The following ASPRV1 variants were observed in gnomAD, a reference collection of about 807,000 sequenced individuals.
ASPRV1 encodes retroviral-like aspartic protease 1.
In ASPRV1, 7 loss-of-function variants were observed where a neutral mutation model predicts 11.0. That is an observed-to-expected ratio of 0.64 (90% CI 0.36 to 1.20). The LOEUF (loss-of-function observed/expected upper bound fraction) is 1.20, where lower values mean the gene tolerates loss of function less well. Ranked by LOEUF, ASPRV1 falls within the 50% of genes most tolerant of loss-of-function variation. The pLI, the probability that ASPRV1 is intolerant of heterozygous loss-of-function variation, is 0.02. For missense variants in ASPRV1, 299 were observed against 320.0 expected (o/e 0.93, Z 0.50); for synonymous variants, 136 against 138.4 (o/e 0.98, Z 0.12).
the ASPRV1 span, among the ~76,000 whole-genome samples, chr2:70,061,731 C>G: frequency 6.6e-6 from 1 of 151,658 alleles, no homozygotes; most frequent in Non-Finnish European, 1.5e-5. Context: ...AGTGGATCAC[C>G]TGAGGTCAAG....
chr2:69,969,893 T>TA, the ASPRV1 span, among the ~76,000 whole-genome samples: 95 of 142,280 alleles, frequency 6.7e-4, no homozygotes, highest in African/African-American at 2.8e-3. Flanking sequence ...CTAATTCTCT[T>TA]AAATTTTTTT....
At chr2:70,048,250 C>G in the ASPRV1 span, among the ~76,000 whole-genome samples, 1 of 143,710 alleles carries the variant, frequency 7.0e-6, no homozygotes, top group East Asian at 2.1e-4. Flanking sequence ...CCCATCTCTA[C>G]TAAAAATACA....
the ASPRV1 span, among the ~76,000 whole-genome samples, chr2:70,037,921 A>G: frequency 6.6e-6 from 1 of 152,140 alleles, no homozygotes; most frequent in Non-Finnish European, 1.5e-5. Flanking sequence ...GCTGTCCTGT[A>G]TCATTTGTCC....
the ASPRV1 span, among the ~76,000 whole-genome samples, chr2:70,081,953 A>T: frequency 6.6e-6 from 1 of 152,032 alleles, no homozygotes; most frequent in Admixed American, 6.6e-5. Flanking sequence ...CCACTTAAAA[A>T]AAAAAGCTAC....
At chr2:70,012,781 ATTGT>A in the ASPRV1 span, among the ~76,000 whole-genome samples, 4 of 152,190 alleles carry the variant, frequency 2.6e-5, no homozygotes, top group Non-Finnish European at 2.9e-5. Context: ...CACTTACCTG[ATTGT>A]TTGAATTACA....
Position 69,961,175 on chromosome 2 carries a change from AGGCCTTCAGGAG to A in ASPRV1, c.250_261del (p.Leu84_Ala87del). ...CTGGGGGCAGCCCCAGGGACCCCAA[AGGCCTTCAGGAG>A]GGCCTCTTTCACAGTCCCATAGTCT... On this transcript the variant is annotated inframe_deletion, in exon 1 of 1. Coordinates refer to ENST00000320256, the MANE Select transcript of ASPRV1 (RefSeq NM_152792.4). 6.2e-7 allele frequency: 1 copy of A among 1,613,802 alleles called. No individual in the cohort carries two copies. Among genetic ancestry groups the A allele is most frequent in the Non-Finnish European group, 8.5e-7 (1 of 1,179,778 alleles).
chr2:69,934,992 T>G, the ASPRV1 span, among the ~76,000 whole-genome samples: 2 of 152,224 alleles, frequency 1.3e-5, no homozygotes, highest in Non-Finnish European at 2.9e-5. Context: ...AATATGCATT[T>G]AATACTTCAA....
the ASPRV1 span, chr2:70,075,163 C>A: frequency 4.0e-5 from 6 of 148,854 alleles, no homozygotes; most frequent in Admixed American, 3.3e-4. Context: ...GGCTGGAGTG[C>A]AGTGGCGCGA....
chr2:69,959,568 C>T (rs554757800), downstream of ASPRV1, among the ~76,000 whole-genome samples: 1 of 152,196 alleles, frequency 6.6e-6, no homozygotes, highest in South Asian at 2.1e-4. Context: ...GTTCCAAGTC[C>T]CTCCAAGAAG....
chr2:70,058,826 T>G, the ASPRV1 span, among the ~76,000 whole-genome samples: 3,711 of 151,494 alleles, frequency 0.024, 108 homozygotes, highest in Admixed American at 0.078. Context: ...ATGCTGGGAT[T>G]ACTGGCAGAA....
At chr2:70,052,554 A>G in the ASPRV1 span, among the ~76,000 whole-genome samples, 1 of 152,160 alleles carries the variant, frequency 6.6e-6, no homozygotes, top group African/African-American at 2.4e-5. Context: ...GCACCCATTC[A>G]CTGATCCTCC....
chr2:69,992,324 T>C, the ASPRV1 span, among the ~76,000 whole-genome samples: 2 of 152,128 alleles, frequency 1.3e-5, no homozygotes, highest in African/African-American at 4.8e-5. Context: ...AACAAACAAC[T>C]TTGGTGCTGA....
At chr2:69,993,652 C>G in the ASPRV1 span, 4 of 152,208 alleles carry the variant, frequency 2.6e-5, no homozygotes, top group Admixed American at 2.6e-4. Context: ...TGCCAAAACA[C>G]TATTTTAACC....
At chr2:69,941,933 A>G in the ASPRV1 span, 1 of 152,114 alleles carries the variant, frequency 6.6e-6, no homozygotes, top group Non-Finnish European at 1.5e-5. Flanking sequence ...CGAGAATACC[A>G]CTATCATTGT....
chr2:69,971,058 T>G, the ASPRV1 span: 2 of 152,090 alleles, frequency 1.3e-5, no homozygotes, highest in South Asian at 2.1e-4. Context: ...TCCCAGCTAC[T>G]TGGGAGGCTG....
At chr2:70,040,985 C>T in the ASPRV1 span, among the ~76,000 whole-genome samples, 1 of 152,176 alleles carries the variant, frequency 6.6e-6, no homozygotes, top group African/African-American at 2.4e-5. Flanking sequence ...TCAGTTAAAA[C>T]CATAGTCTTT....
chr2:70,045,938 T>C, the ASPRV1 span: 1 of 152,308 alleles, frequency 6.6e-6, no homozygotes, highest in Non-Finnish European at 1.5e-5. Context: ...GAAATTCAAA[T>C]GAGAGGCAGG....
chr2:70,065,495 A>T, the ASPRV1 span, among the ~76,000 whole-genome samples: 2 of 151,986 alleles, frequency 1.3e-5, no homozygotes, highest in African/African-American at 4.8e-5. Flanking sequence ...TATATTGATA[A>T]GTGCGATCAC....
At chr2:69,956,111 C>T (rs1677930217), downstream of ASPRV1, among the ~76,000 whole-genome samples, 1 of 152,046 alleles carries the variant, frequency 6.6e-6, no homozygotes, top group African/African-American at 2.4e-5. Context: ...GGGACACGTC[C>T]CAAGGAGACA....
Sources: allele counts gnomAD v4.1 joint callset (sites outside exome capture counted in the v4.1 genomes callset), GRCh38; gene constraint gnomAD v4.1.1; transcripts MANE v1.5; gene names NCBI Gene and HGNC (gene_info 2026-07-23, HGNC 2026-07-21).